Variants in KCNIP4 observed in about 807,000 individuals in gnomAD.
The protein encoded by KCNIP4 is potassium voltage-gated channel interacting protein 4.
Under a neutral mutation model 34.0 loss-of-function variants are expected in KCNIP4, and 12 were observed. That is an observed-to-expected ratio of 0.35 (90% CI 0.23 to 0.57). The LOEUF (loss-of-function observed/expected upper bound fraction) is 0.57, where lower values mean the gene tolerates loss of function less well. Ranked by LOEUF, KCNIP4 falls within the 20% of genes least tolerant of loss-of-function variation. The pLI, the probability that KCNIP4 is intolerant of heterozygous loss-of-function variation, is 0.83. For missense variants in KCNIP4, 238 were observed against 311.7 expected (o/e 0.76, Z 1.78); for synonymous variants, 124 against 102.2 (o/e 1.21, Z -1.29).
chr4:21,776,392 G>A (rs756789111), intron 1 of KCNIP4, among the ~76,000 whole-genome samples: 9 of 152,076 alleles, frequency 5.9e-5, no homozygotes, highest in Admixed American at 1.3e-4. Flanking sequence ...TCTTGGCCCC[G>A]CCCCAGAAGT....
At chr4:21,805,355 T>C (rs929784905) in intron 1 of KCNIP4, among the ~76,000 whole-genome samples, 9 of 152,068 alleles carry the variant, frequency 5.9e-5, no homozygotes, top group African/African-American at 1.7e-4. Flanking sequence ...GATAGTTGAA[T>C]CATGGGGGCT....
At chr4:21,935,982 G>A (rs565576997) in intron 1 of KCNIP4, among the ~76,000 whole-genome samples, 30 of 125,440 alleles carry the variant, frequency 2.4e-4, no homozygotes, top group East Asian at 1.1e-3. Context: ...ATATATATGC[G>A]CACATGTATA....
intron 1 of KCNIP4, chr4:21,852,565 C>T (rs1380903384): frequency 6.6e-6 from 1 of 152,154 alleles, no homozygotes; most frequent in Non-Finnish European, 1.5e-5. Flanking sequence ...TTCTCTAACA[C>T]AGTAAACATA....
chr4:21,227,265 AG>A (rs774417299), intron 1 of KCNIP4, among the ~76,000 whole-genome samples: 6 of 152,174 alleles, frequency 3.9e-5, no homozygotes, highest in African/African-American at 9.7e-5. Context: ...CAAGGACACC[AG>A]GTTGCTTATT....
chr4:21,468,030 T>C (rs1351041148), intron 1 of KCNIP4, among the ~76,000 whole-genome samples: 1 of 152,150 alleles, frequency 6.6e-6, no homozygotes, highest in Non-Finnish European at 1.5e-5. Flanking sequence ...GGATCTTCTT[T>C]GAGAGTAACC....
At chr4:21,300,339 A>T (rs1485461753) in intron 1 of KCNIP4, among the ~76,000 whole-genome samples, 1 of 152,170 alleles carries the variant, frequency 6.6e-6, no homozygotes, top group African/African-American at 2.4e-5. Context: ...CCAAACCAGC[A>T]TAATTCTGGA....
chr4:21,658,652 C>G (rs2108985537), intron 1 of KCNIP4, among the ~76,000 whole-genome samples: 1 of 152,280 alleles, frequency 6.6e-6, no homozygotes, highest in South Asian at 2.1e-4. Flanking sequence ...CTGGCCACCT[C>G]AGCCCCCCAA....
intron 1 of KCNIP4, among the ~76,000 whole-genome samples, chr4:21,612,436 A>T (rs993404061): frequency 6.6e-6 from 1 of 152,226 alleles, no homozygotes; most frequent in African/African-American, 2.4e-5. Flanking sequence ...ACATAGCAAG[A>T]ATCCATCTCA....
At chr4:21,456,395 C>A (rs1728958923) in intron 1 of KCNIP4, among the ~76,000 whole-genome samples, 1 of 147,940 alleles carries the variant, frequency 6.8e-6, no homozygotes, top group Admixed American at 6.6e-5. Flanking sequence ...CCTTGCTTGG[C>A]TGTTACTCAT....
rs1247370752 is a variant in KCNIP4, at chr4:21,265,310, T to G, written c.62-382601A>C. The stretch of plus-strand genomic sequence containing the variant: ...GAGAGGATGGGGAGTGATGAGATAT[T>G]AGGTTATTGCTTAAAAGGAATTAGG... On this transcript the variant is annotated intron_variant, in intron 1 of 8. Transcript: ENST00000382152. Among the ~76,000 whole-genome samples the G allele has an allele frequency of 3.3e-5, 5 of 152,176 alleles. No individual in the cohort carries two copies. In the East Asian group the frequency reaches 9.7e-4, roughly 29 times the overall value.
chr4:21,884,466 G>C (rs1252697304), intron 1 of KCNIP4, among the ~76,000 whole-genome samples: 1 of 152,062 alleles, frequency 6.6e-6, no homozygotes, highest in Non-Finnish European at 1.5e-5. Context: ...AGTTTCCCAA[G>C]ATGGCCAGAT....
chr4:20,947,249 A>G (rs1349361230), intron 1 of KCNIP4, among the ~76,000 whole-genome samples: 1 of 151,922 alleles, frequency 6.6e-6, no homozygotes, highest in East Asian at 1.9e-4. Flanking sequence ...GCTCACCACA[A>G]CCTCCGCCTC....
At chr4:21,010,689 A>C (rs954788323) in intron 1 of KCNIP4, among the ~76,000 whole-genome samples, 1 of 152,234 alleles carries the variant, frequency 6.6e-6, no homozygotes, top group African/African-American at 2.4e-5. Flanking sequence ...CTTGAGACCA[A>C]TTACAATATA....
At position 21,661,566 on chromosome 4, in the gene KCNIP4, T is replaced by C. The variant is rs377463365; in HGVS notation, c.61+287005A>G. Among the ~76,000 whole-genome samples the C allele has an allele frequency of 9.2e-5, 14 of 152,294 alleles. 1 individual carries two copies. In the South Asian group the frequency reaches 2.9e-3, roughly 32 times the overall value. The stretch of plus-strand genomic sequence containing the variant: ...GGGTCAGGGAACTCTCCCATTTCAA[T>C]TTGAATAGCAATCCAGTTCTCAGAG... On this transcript the variant is annotated intron_variant, in intron 1 of 8. Coordinates refer to ENST00000382152, the MANE Select transcript of KCNIP4 (RefSeq NM_025221.6).
intron 1 of KCNIP4, among the ~76,000 whole-genome samples, chr4:20,956,099 C>T (rs968868198): frequency 1.1e-4 from 16 of 152,154 alleles, no homozygotes; most frequent in African/African-American, 3.9e-4. Flanking sequence ...TGACAGGGAT[C>T]TATCTTTCAC....
intron 3 of KCNIP4, among the ~76,000 whole-genome samples, chr4:20,822,086 G>C (rs532276744): frequency 6.6e-6 from 1 of 152,054 alleles, no homozygotes; most frequent in Non-Finnish European, 1.5e-5. Flanking sequence ...AAACTAAAAA[G>C]CTTCTACACA....
At chr4:21,529,952 A>T (rs1219579233) in intron 1 of KCNIP4, among the ~76,000 whole-genome samples, 1 of 152,146 alleles carries the variant, frequency 6.6e-6, no homozygotes, top group Non-Finnish European at 1.5e-5. Context: ...AACTCTGAAG[A>T]CTTTTCATTC....
rs566873138 is a variant in KCNIP4 at position 20,733,480 on chromosome 4, T to TTGA, written c.538-696_538-695insTCA. On this transcript the variant is annotated intron_variant, in intron 6 of 8. Transcript: ENST00000382152. ...TCACGTGAAAGATCTCTCAATTAGG[T>TTGA]TAATACAGAGCGAATATATATTTAC... 2.3e-3 allele frequency among the ~76,000 whole-genome samples: 353 copies of TTGA among 152,294 alleles called. 8 individuals are homozygous for TTGA. In the South Asian group the frequency reaches 0.046, roughly 20 times the overall value.
intron 1 of KCNIP4, among the ~76,000 whole-genome samples, chr4:21,535,730 T>C (rs1007654728): frequency 2.0e-5 from 3 of 152,210 alleles, no homozygotes; most frequent in Non-Finnish European, 2.9e-5. Flanking sequence ...CCATAGTTTA[T>C]GTTATTCCTT....
Sources: allele counts gnomAD v4.1 joint callset (sites outside exome capture counted in the v4.1 genomes callset), GRCh38; gene constraint gnomAD v4.1.1; transcripts MANE v1.5; gene names NCBI Gene and HGNC (gene_info 2026-07-23, HGNC 2026-07-21).